The following BTK variants were observed in gnomAD, a reference collection of about 807,000 sequenced individuals.
BTK encodes Bruton tyrosine kinase.
In BTK, 5 loss-of-function variants were observed where a neutral mutation model predicts 57.4. The observed-to-expected ratio is 0.09, with a 90% CI of 0.05 to 0.18. The LOEUF (loss-of-function observed/expected upper bound fraction) is 0.18, where lower values mean the gene tolerates loss of function less well. Among genes scored for constraint, BTK ranks in the 10% least tolerant of loss-of-function variants. The pLI, the probability that BTK is intolerant of heterozygous loss-of-function variation, is 1.00. For synonymous variants in BTK, 154 were observed against 174.3 expected (o/e 0.88, Z 0.92); for missense variants, 194 against 501.2 (o/e 0.39, Z 5.85).
At chrX:101,387,835 G>C (rs1271800887), upstream of BTK, among the ~76,000 whole-genome samples, 1 of 108,446 alleles carries the variant, frequency 9.2e-6, no homozygotes, top group East Asian at 2.9e-4. Flanking sequence ...CTGAGGGTTG[G>C]CCACAGGCAT....
chrX:101,387,347 C>CTTT (rs1195584019), upstream of BTK, among the ~76,000 whole-genome samples: 132 of 75,495 alleles, frequency 1.7e-3, 1 homozygote, highest in African/African-American at 6.1e-3. Flanking sequence ...GCCCTGGGAC[C>CTTT]TTTTTTTTTT....
chrX:101,386,508 G>A (rs1476152220), upstream of BTK, among the ~76,000 whole-genome samples: 2 of 110,817 alleles, frequency 1.8e-5, no homozygotes, highest in African/African-American at 6.6e-5. Context: ...AAGACAGTCA[G>A]CACAGGGAGA....
intron 5 of BTK, among the ~76,000 whole-genome samples, chrX:101,369,047 C>T (rs1555979910): frequency 8.9e-6 from 1 of 112,485 alleles, no homozygotes; most frequent in Non-Finnish European, 1.9e-5. Context: ...GCTATATATA[C>T]ACACAAATAT....
At chrX:101,372,507 G>A (rs181044419) in intron 3 of BTK, among the ~76,000 whole-genome samples, 165 of 109,543 alleles carry the variant, frequency 1.5e-3, no homozygotes, top group African/African-American at 5.4e-3. Context: ...GATGTGCAGT[G>A]GTGCGATCTC....
intron 1 of BTK, chrX:101,377,967 G>A (rs1178164470): frequency 9.2e-6 from 1 of 109,216 alleles, no homozygotes; most frequent in Non-Finnish European, 1.9e-5. Flanking sequence ...TCAATAATGT[G>A]AAAGGAAAGG....
At chrX:101,383,360 G>C (rs1927513826) in intron 1 of BTK, among the ~76,000 whole-genome samples, 1 of 111,552 alleles carries the variant, frequency 9.0e-6, no homozygotes, top group African/African-American at 3.3e-5. Context: ...ATCATTTCCA[G>C]AGTCAAAAAA....
intron 18 of BTK, 57 bp downstream of exon 18, chrX:101,353,137 C>T: frequency 8.9e-7 from 1 of 1,119,167 alleles, no homozygotes; most frequent in South Asian, 1.9e-5. Context: ...GAATGGCCAG[C>T]TAAATGGGCA....
chrX:101,361,527 A>AC (rs1183333486), intron 7 of BTK, among the ~76,000 whole-genome samples: 2 of 110,464 alleles, frequency 1.8e-5, no homozygotes, highest in East Asian at 5.6e-4. Flanking sequence ...AAAAAAAAAA[A>AC]ACTTCTGAAG....
At chrX:101,378,373 C>T (rs186618664) in intron 1 of BTK, among the ~76,000 whole-genome samples, 64 of 111,250 alleles carry the variant, frequency 5.8e-4, no homozygotes, top group Admixed American at 4.2e-3. Context: ...TATGAGCCAC[C>T]GTGCCTGGCC....
At chrX:101,355,576 A>C (rs937829491) in intron 15 of BTK, 2 of 125,806 alleles carry the variant, frequency 1.6e-5, no homozygotes, top group African/African-American at 3.3e-5. Context: ...GAAGCTGGAA[A>C]TTCCAGGGTT....
At chrX:101,389,993 C>A (rs1434951135), upstream of BTK, among the ~76,000 whole-genome samples, 1 of 111,638 alleles carries the variant, frequency 9.0e-6, no homozygotes, top group Non-Finnish European at 1.9e-5. Context: ...GCCACAACAG[C>A]AATATTTTAT....
At chrX:101,354,546 G>A in intron 16 of BTK, 84 bp downstream of exon 16, 2 of 967,074 alleles carry the variant, frequency 2.1e-6, no homozygotes, top group South Asian at 2.0e-5. Flanking sequence ...AAGAAAAGGA[G>A]AGGATTAAAA....
intron 1 of BTK, among the ~76,000 whole-genome samples, chrX:101,385,299 A>G (rs1927578132): frequency 9.0e-6 from 1 of 111,524 alleles, no homozygotes; most frequent in South Asian, 3.7e-4. Context: ...GGAGAGGAGG[A>G]AAGGAAAGGA....
At chrX:101,388,023 C>T (rs1353657692), upstream of BTK, among the ~76,000 whole-genome samples, 2 of 110,657 alleles carry the variant, frequency 1.8e-5, no homozygotes, top group African/African-American at 3.3e-5. Flanking sequence ...CCTGCCACCA[C>T]GCCTGGCTAA....
intron 5 of BTK, among the ~76,000 whole-genome samples, chrX:101,363,543 A>AC (rs1926736294): frequency 9.2e-6 from 1 of 109,126 alleles, no homozygotes; most frequent in African/African-American, 3.3e-5. Flanking sequence ...AGATGGTGAA[A>AC]CCCCGTCTCC....
upstream of BTK, chrX:101,390,408 A>G: frequency 2.0e-6 from 1 of 501,806 alleles, no homozygotes; most frequent in Non-Finnish European, 3.6e-6. Flanking sequence ...TTTAATGCCA[A>G]TCATTGTTCC....
chrX:101,384,944 A>G (rs1207298036), intron 1 of BTK, among the ~76,000 whole-genome samples: 1 of 111,271 alleles, frequency 9.0e-6, no homozygotes, highest in East Asian at 2.8e-4. Context: ...CCTCTGGGGG[A>G]CATTGGCAGG....
chrX:101,369,636 G>A (rs1203953064), intron 5 of BTK, among the ~76,000 whole-genome samples: 1 of 111,882 alleles, frequency 8.9e-6, no homozygotes, highest in African/African-American at 3.2e-5. Flanking sequence ...GATAGTGATA[G>A]AACTGGGAAA....
Position 101,357,512 on chromosome X carries a change from A to G in BTK, c.1174T>C (p.Tyr392His), listed in dbSNP as rs1926521323. ...CCCCAGAGAAATAAGGAGTTACCGT[A>G]TCCCAGGCCTGCAGTGGAAGGTGCA... ...KNAPSTAGLG[Y>H]GSWEIDPKDL... The change falls in exon 13 of 19, where the codon TAC (tyrosine) becomes CAC (histidine). Residue 392 changes from tyrosine (Y) to histidine (H), a missense_variant. By Grantham distance (83) the Tyr-to-His change is moderately conservative (BLOSUM62 2). Coordinates refer to ENST00000308731, the MANE Select transcript of BTK (RefSeq NM_000061.3). 1 of 1,210,184 alleles carries G rather than the reference A, an allele frequency of 8.3e-7. No homozygotes were observed. The highest frequency in any genetic ancestry group is 1.1e-6 in the Non-Finnish European group (1 of 894,152).
Sources: gnomAD v4.1 joint callset for allele counts (sites outside exome capture counted in the v4.1 genomes callset) on GRCh38, gnomAD v4.1.1 for gene constraint, MANE v1.5 for transcripts, NCBI Gene and HGNC (gene_info 2026-07-23, HGNC 2026-07-21) for gene names.